CLASP2: variants seen among roughly 807,000 people sequenced by gnomAD.
CLASP2 encodes the protein CLIP-associating protein 2.
A neutral mutation model predicts 194.4 loss-of-function variants in CLASP2; 47 were observed. The observed-to-expected ratio is 0.24, with a 90% CI of 0.19 to 0.31. The LOEUF (loss-of-function observed/expected upper bound fraction) is 0.31, where lower values mean the gene tolerates loss of function less well. Ranked by LOEUF, CLASP2 falls within the 10% of genes least tolerant of loss-of-function variation. The pLI is 1.00. For synonymous variants in CLASP2, 619 were observed against 633.5 expected (o/e 0.98, Z 0.34); for missense variants, 1,445 against 1,823.6 (o/e 0.79, Z 3.78).
intron 29 of CLASP2, among the ~76,000 whole-genome samples, chr3:33,555,392 GTCTCAT>G (rs1408344595): frequency 6.7e-6 from 1 of 148,804 alleles, no homozygotes; most frequent in Non-Finnish European, 1.5e-5. Flanking sequence ...TTGAGATAAG[GTCTCAT>G]TCTGTCACCC....
At position 33,718,136 on chromosome 3, in the gene CLASP2, C is replaced by T; in HGVS notation, c.-134G>A. Reference sequence around the variant, plus strand: ...CGCCAGGGGCGCGGCTTGCGGGGCGCAGCGGGCGGCGGGAGGAACGCCAAG... The same window carrying T: ...CGCCAGGGGCGCGGCTTGCGGGGCGTAGCGGGCGGCGGGAGGAACGCCAAG... On this transcript the variant is annotated 5_prime_UTR_variant, in exon 1 of 39. Coordinates refer to ENST00000682230, the MANE Select transcript of CLASP2 (RefSeq NM_001365631.1). The T allele has an allele frequency of 1.1e-6, 1 of 909,438 alleles. No individual in the cohort carries two copies. The highest frequency in any genetic ancestry group is 3.7e-4 in the Middle Eastern group (1 of 2,712). 56.3% of individuals were successfully genotyped at this position (909,438 alleles called of 1,614,324 possible).
chr3:33,663,573 G>C, intron 6 of CLASP2, 58 bp from the exon 7 acceptor site: 1 of 1,210,618 alleles, frequency 8.3e-7, no homozygotes, highest in Non-Finnish European at 1.2e-6. Flanking sequence ...AGATTAAATA[G>C]AAACAATTTC....
chr3:33,601,151 G>A (rs1411870091), intron 18 of CLASP2, among the ~76,000 whole-genome samples: 1 of 151,768 alleles, frequency 6.6e-6, no homozygotes, highest in Non-Finnish European at 1.5e-5. Flanking sequence ...TAGTAGAGAC[G>A]GTGTTTCACC....
At chr3:33,589,376 T>C (rs986973724) in intron 21 of CLASP2, among the ~76,000 whole-genome samples, 22 of 152,114 alleles carry the variant, frequency 1.4e-4, no homozygotes, top group Admixed American at 1.2e-3. Context: ...ACTTTTTTTT[T>C]CTAAGTAGTG....
chr3:33,532,148 A>C (rs1406664354), intron 34 of CLASP2, among the ~76,000 whole-genome samples: 2 of 152,236 alleles, frequency 1.3e-5, no homozygotes, highest in Non-Finnish European at 2.9e-5. Flanking sequence ...TGAATGGATA[A>C]GCAAAATGTG....
At chr3:33,664,726 T>C (rs1217763734) in intron 6 of CLASP2, among the ~76,000 whole-genome samples, 2 of 151,912 alleles carry the variant, frequency 1.3e-5, no homozygotes, top group East Asian at 1.9e-4. Flanking sequence ...TTCTGGAGGG[T>C]TGAACAGACA....
At chr3:33,596,304 T>C (rs531299088) in intron 19 of CLASP2, among the ~76,000 whole-genome samples, 1 of 152,270 alleles carries the variant, frequency 6.6e-6, no homozygotes, top group Non-Finnish European at 1.5e-5. Flanking sequence ...AAAACAATCA[T>C]ATGAACTTAC....
rs1560188834 is a variant in CLASP2, at chr3:33,590,706, G to GA, written c.2068+1688dup. On this transcript the variant is annotated intron_variant, in intron 21 of 38. Coordinates refer to ENST00000682230, the MANE Select transcript of CLASP2 (RefSeq NM_001365631.1). ...TATTCTGCCTGGATTTTCTGACTTT[G>GA]AAAAAAGAGAAGGATCTGGTGGGTA... Among the ~76,000 whole-genome samples the GA allele has an allele frequency of 2.6e-5, 4 of 152,152 alleles. No individual in the cohort carries two copies. The South Asian group carries it at 8.3e-4, about 32-fold the overall frequency.
chr3:33,574,621 G>T, intron 24 of CLASP2: 1 of 532,412 alleles, frequency 1.9e-6, no homozygotes, highest in Non-Finnish European at 3.2e-6. Flanking sequence ...TCACACATAG[G>T]TACAAAGAAC....
chr3:33,668,759 C>T lies in CLASP2; in HGVS notation c.645-5244G>A, dbSNP rs1331914632. On this transcript the variant is annotated intron_variant, in intron 6 of 38. Coordinates refer to ENST00000682230, the MANE Select transcript of CLASP2 (RefSeq NM_001365631.1). ...CCTACTACCTGCTAAAGAAGCATCACCAAGGAGAATGACACAAGCACAGCA... is the reference window on the plus strand; with the variant it reads ...CCTACTACCTGCTAAAGAAGCATCATCAAGGAGAATGACACAAGCACAGCA... Among the ~76,000 whole-genome samples, 3 of 152,246 alleles carry T rather than the reference C, an allele frequency of 2.0e-5. No individual in the cohort carries two copies. In the East Asian group the frequency reaches 5.8e-4, roughly 29 times the overall value.
At chr3:33,698,547 T>C (rs1268358409) in intron 1 of CLASP2, among the ~76,000 whole-genome samples, 1 of 152,122 alleles carries the variant, frequency 6.6e-6, no homozygotes, top group African/African-American at 2.4e-5. Context: ...GAATCCTCTA[T>C]GAAGCACAAG....
At chr3:33,702,017 TCTG>T (rs370913850) in intron 1 of CLASP2, among the ~76,000 whole-genome samples, 148 of 152,254 alleles carry the variant, frequency 9.7e-4, no homozygotes, top group African/African-American at 3.5e-3. Context: ...ACTAAGAACT[TCTG>T]CTGTTTAAAA....
intron 35 of CLASP2, 35 bp from the exon 36 acceptor site, chr3:33,516,186 G>A (rs1374709174): frequency 6.4e-7 from 1 of 1,556,348 alleles, no homozygotes; most frequent in African/African-American, 1.4e-5. Context: ...TTAATATTTT[G>A]GGTTGTAGAT....
chr3:33,522,527 A>G (rs1167290577), intron 34 of CLASP2, among the ~76,000 whole-genome samples: 1 of 152,212 alleles, frequency 6.6e-6, no homozygotes, highest in Non-Finnish European at 1.5e-5. Context: ...CATATGAAGA[A>G]CCAGGATAAT....
intron 29 of CLASP2, among the ~76,000 whole-genome samples, chr3:33,552,116 ATTTTTT>A (rs760891395): frequency 7.4e-6 from 1 of 135,242 alleles, no homozygotes. Flanking sequence ...TGGGTTTATA[ATTTTTT>A]TTTTTTTTTT....
In CLASP2 at chr3:33,573,353, T is replaced by A; in HGVS notation, c.2456A>T (p.Lys819Ile). ...DVEEAVADAL[K>I]KPARRRYESY... ...TTCATATCTTCTTCGAGCTGGTTTT[T>A]TCTGTTATACATCAAGAATCTCATT... The change falls in exon 25 of 39, where the codon AAA becomes ATA. Residue 819 changes from lysine (K) to isoleucine (I), a missense_variant and splice_region_variant. By Grantham distance (102) the Lys-to-Ile change is moderately radical. Around this residue, in one of 4 missense-constraint regions of CLASP2, gnomAD observed 732 missense variants for 987.9 expected, o/e 0.74. Coordinates refer to ENST00000682230, the MANE Select transcript of CLASP2 (RefSeq NM_001365631.1). 6.2e-7 allele frequency: 1 copy of A among 1,613,424 alleles called. No homozygotes were observed. Among genetic ancestry groups the A allele is most frequent in the Non-Finnish European group, 8.5e-7 (1 of 1,179,626 alleles).
chr3:33,645,213 C>T, intron 7 of CLASP2: 1 of 760,044 alleles, frequency 1.3e-6, no homozygotes. Flanking sequence ...CATTTTCTGC[C>T]AGCTCCTCCC....
intron 18 of CLASP2, among the ~76,000 whole-genome samples, chr3:33,601,809 C>T (rs66886769): frequency 0.16 from 24,189 of 152,086 alleles, 2,292 homozygotes; most frequent in Admixed American, 0.29. Flanking sequence ...TTCCTCTTCA[C>T]GGTTCTGAAT....
Position 33,649,503 on chromosome 3 carries a change from C to T in CLASP2, c.716-4600G>A, listed in dbSNP as rs189418702. Among the ~76,000 whole-genome samples the T allele has an allele frequency of 4.6e-5, 7 of 152,232 alleles. No homozygotes were observed. In the East Asian group the frequency reaches 1.3e-3, roughly 29 times the overall value. ...TACTAAGTTATTTAAAGTAATACTA[C>T]AAACACAAACAATGATACACACTAA... is the stretch of plus-strand genomic sequence containing the variant. On this transcript the variant is annotated intron_variant, in intron 7 of 38. Coordinates refer to ENST00000682230, the MANE Select transcript of CLASP2 (RefSeq NM_001365631.1).
Sources: gnomAD v4.1 joint callset for allele counts (sites outside exome capture counted in the v4.1 genomes callset) on GRCh38, gnomAD v4.1.1 for gene constraint, gnomAD v4.1.1 regional missense constraint, MANE v1.5 for transcripts, NCBI Gene and HGNC (gene_info 2026-07-23, HGNC 2026-07-21) for gene names.